The following XYLT1 variants were observed in gnomAD, a reference collection of about 807,000 sequenced individuals.
XYLT1 encodes the protein beta-D-xylosyltransferase 1.
In XYLT1, 36 loss-of-function variants were observed where a neutral mutation model predicts 91.3. That is an observed-to-expected ratio of 0.39 (90% confidence interval 0.30 to 0.52). The LOEUF (loss-of-function observed/expected upper bound fraction) is 0.52, where lower values mean the gene tolerates loss of function less well. Ranked by LOEUF, XYLT1 falls within the 20% of genes least tolerant of loss-of-function variation. The probability of loss-of-function intolerance (pLI) is 0.68; values close to 1 mark genes in which losing one functional copy is unlikely to be tolerated. For synonymous variants in XYLT1, 588 were observed against 532.0 expected (o/e 1.11, Z -1.45); for missense variants, 1,242 against 1,284.5 (o/e 0.97, Z 0.51).
chr16:17,146,825 T>C (rs1298702204), intron 6 of XYLT1, among the ~76,000 whole-genome samples: 1 of 152,108 alleles, frequency 6.6e-6, no homozygotes, highest in Admixed American at 6.5e-5. Context: ...ACTGGCAACT[T>C]TTCTAAGGAC....
At position 17,446,968 on chromosome 16, in the gene XYLT1, T is replaced by A. The variant is rs954365090; in HGVS notation, c.363+23466A>T. ...GACTCAAGGGAAGAGGACGCTCTCA[T>A]CCCTGTCTACTCTCCCACCCACCCC... is the stretch of plus-strand genomic sequence containing the variant. On this transcript the variant is annotated intron_variant, in intron 1 of 11. Coordinates refer to ENST00000261381, the MANE Select transcript of XYLT1 (RefSeq NM_022166.4). Among the ~76,000 whole-genome samples, 3 of 152,000 alleles carry A rather than the reference T, an allele frequency of 2.0e-5. No homozygotes were observed. The East Asian group carries it at 5.8e-4, about 30-fold the overall frequency.
intron 2 of XYLT1, among the ~76,000 whole-genome samples, chr16:17,348,331 G>T (rs1202535180): frequency 6.6e-6 from 1 of 152,094 alleles, no homozygotes. Context: ...GCTGCTGAAC[G>T]ACTGGGCAAA....
chr16:17,459,315 T>G (rs1010978118), intron 1 of XYLT1, among the ~76,000 whole-genome samples: 1 of 152,320 alleles, frequency 6.6e-6, no homozygotes, highest in Non-Finnish European at 1.5e-5. Flanking sequence ...AAGGTTGCAG[T>G]GAGCTGAGAT....
chr16:17,324,691 G>A (rs1012498871), intron 2 of XYLT1, among the ~76,000 whole-genome samples: 3 of 152,032 alleles, frequency 2.0e-5, no homozygotes, highest in African/African-American at 4.8e-5. Flanking sequence ...GATCCCCCAC[G>A]GTCATTGGGA....
chr16:17,470,730 TGAGCGCCGC>T lies in XYLT1; in HGVS notation c.58_66del (p.Ala20_Leu22del). ...ACCAGCGTCTGCAGCAGCAGCACCG[TGAGCGCCGC>T]GAGCAGCGCCGAGTGCGAGCGCCGG... On this transcript the variant is annotated inframe_deletion, in exon 1 of 12. Coordinates refer to ENST00000261381, the MANE Select transcript of XYLT1 (RefSeq NM_022166.4). The T allele has an allele frequency of 8.7e-7, 1 of 1,147,088 alleles. No homozygotes were observed. Among genetic ancestry groups the T allele is most frequent in the Non-Finnish European group, 1.1e-6 (1 of 916,916 alleles). The allele number at this position is 1,147,088 out of a possible 1,614,324, so 71.1% of individuals were successfully genotyped here.
At chr16:17,390,338 A>C (rs369978547) in intron 1 of XYLT1, among the ~76,000 whole-genome samples, 138 of 152,332 alleles carry the variant, frequency 9.1e-4, no homozygotes, top group Non-Finnish European at 1.5e-3. Context: ...GAATGAAATT[A>C]ATACTTCGGG....
At chr16:17,351,769 T>G (rs549369691) in intron 2 of XYLT1, among the ~76,000 whole-genome samples, 2 of 146,392 alleles carry the variant, frequency 1.4e-5, no homozygotes, top group African/African-American at 2.6e-5. Context: ...TGCTTTCCTG[T>G]GCATTATGGG....
chr16:17,357,944 G>A, intron 2 of XYLT1, 68 bp downstream of exon 2: 1 of 1,570,248 alleles, frequency 6.4e-7, no homozygotes, highest in Non-Finnish European at 8.7e-7. Flanking sequence ...CAGAGCCACG[G>A]GACAAGTCCC....
chr16:17,194,275 G>C (rs993274106), intron 5 of XYLT1: 2 of 152,212 alleles, frequency 1.3e-5, no homozygotes, highest in Non-Finnish European at 2.9e-5. Context: ...ACTCAGATTC[G>C]AGCCGTAAGC....
At chr16:17,281,181 C>T (rs1567354674) in intron 2 of XYLT1, among the ~76,000 whole-genome samples, 3 of 152,110 alleles carry the variant, frequency 2.0e-5, no homozygotes, top group East Asian at 1.9e-4. Context: ...TCCAGGGGAG[C>T]GGCTGAAGGA....
At chr16:17,227,458 G>A (rs189597710) in intron 3 of XYLT1, 1 of 152,746 alleles carries the variant, frequency 6.5e-6, no homozygotes, top group African/African-American at 2.4e-5. Flanking sequence ...GAGGGCAGAT[G>A]AGGAAGGATC....
chr16:17,274,554 T>C lies in XYLT1; in HGVS notation c.403-15056A>G, dbSNP rs7197810. ...AGAGGAAAGTAAGTATGAATATAAG[T>C]TATTTTAATATAGGACCAAAAGGGA... On this transcript the variant is annotated intron_variant, in intron 2 of 11. Transcript: ENST00000261381. Among the ~76,000 whole-genome samples, 1,225 of 152,272 alleles carry C rather than the reference T, an allele frequency of 8.0e-3. 15 individuals carry two copies. Among genetic ancestry groups the C allele is most frequent in the African/African-American group, 0.028 (1,158 of 41,566 alleles).
chr16:17,291,314 T>C (rs1475757710), intron 2 of XYLT1, among the ~76,000 whole-genome samples: 1 of 152,182 alleles, frequency 6.6e-6, no homozygotes, highest in Non-Finnish European at 1.5e-5. Context: ...AATTGTCTCA[T>C]TTTAAAAGAA....
intron 1 of XYLT1, among the ~76,000 whole-genome samples, chr16:17,434,645 C>A (rs1474603481): frequency 6.6e-6 from 1 of 152,100 alleles, no homozygotes; most frequent in African/African-American, 2.4e-5. Flanking sequence ...TCACTTGAGG[C>A]CAGGAGTTCG....
At chr16:17,263,277 T>C (rs191083688) in intron 2 of XYLT1, among the ~76,000 whole-genome samples, 17 of 152,106 alleles carry the variant, frequency 1.1e-4, no homozygotes, top group Middle Eastern at 3.4e-3. Flanking sequence ...ATCATCTCCC[T>C]CCACCCCCCA....
chr16:17,114,827 A>ATT (rs11424722), intron 11 of XYLT1, among the ~76,000 whole-genome samples: 32 of 151,520 alleles, frequency 2.1e-4, no homozygotes, highest in Admixed American at 2.6e-4. Context: ...GGAACATACA[A>ATT]TTTTTTTTTC....
At chr16:17,185,932 G>A (rs1195215918) in intron 5 of XYLT1, among the ~76,000 whole-genome samples, 4 of 151,962 alleles carry the variant, frequency 2.6e-5, no homozygotes, top group Admixed American at 6.6e-5. Flanking sequence ...ACTGGGAGGT[G>A]GAAGTTGTAA....
At chr16:17,344,066 C>T (rs2035105214) in intron 2 of XYLT1, among the ~76,000 whole-genome samples, 1 of 151,984 alleles carries the variant, frequency 6.6e-6, no homozygotes, top group African/African-American at 2.4e-5. Context: ...CTTTTGCTCC[C>T]CAGAGATATT....
intron 3 of XYLT1, among the ~76,000 whole-genome samples, chr16:17,208,635 T>A (rs2141596852): frequency 6.6e-6 from 1 of 152,356 alleles, no homozygotes; most frequent in East Asian, 1.9e-4. Context: ...CTTGTAGCAT[T>A]ATGTGCCCAA....
Sources: allele counts gnomAD v4.1 joint callset (sites outside exome capture counted in the v4.1 genomes callset), GRCh38; gene constraint gnomAD v4.1.1; transcripts MANE v1.5; gene names NCBI Gene and HGNC (gene_info 2026-07-23, HGNC 2026-07-21).